The following LRBA variants were observed in gnomAD, a reference collection of about 807,000 sequenced individuals.
LRBA encodes lipopolysaccharide-responsive and beige-like anchor protein.
Under a neutral mutation model 330.0 loss-of-function variants are expected in LRBA, and 176 were observed. That is an observed-to-expected ratio of 0.53 (90% CI 0.47 to 0.60). LRBA has a LOEUF of 0.60. Among genes scored for constraint, LRBA ranks in the 20% least tolerant of loss-of-function variants. The pLI is 0.00. For synonymous variants in LRBA, 1,230 were observed against 1,193.0 expected, an observed-to-expected ratio of 1.03 and a Z score of -0.64; for missense variants, 3,259 against 3,444.8, an observed-to-expected ratio of 0.95 and a Z score of 1.35.
At chr4:150,316,419 T>G (rs548630512) in intron 50 of LRBA, among the ~76,000 whole-genome samples, 1 of 152,168 alleles carries the variant, frequency 6.6e-6, no homozygotes, top group East Asian at 1.9e-4. Context: ...GGACTTTCGG[T>G]AGAGAGGAAG....
intron 36 of LRBA, among the ~76,000 whole-genome samples, chr4:150,706,368 C>T (rs1388480872): frequency 6.6e-6 from 1 of 151,612 alleles, no homozygotes; most frequent in South Asian, 2.1e-4. Context: ...ACTTAGACTA[C>T]CGGGTAGGTG....
At chr4:150,309,063 T>C (rs1730727667) in intron 52 of LRBA, among the ~76,000 whole-genome samples, 1 of 152,198 alleles carries the variant, frequency 6.6e-6, no homozygotes, top group African/African-American at 2.4e-5. Flanking sequence ...GCAAGCTTCA[T>C]TCATGGGAAG....
At chr4:150,725,740 A>C (rs1317399366) in intron 36 of LRBA, among the ~76,000 whole-genome samples, 1 of 152,210 alleles carries the variant, frequency 6.6e-6, no homozygotes, top group Non-Finnish European at 1.5e-5. Flanking sequence ...AGAAAGACTA[A>C]ATAATGAACC....
Position 150,498,301 on chromosome 4 carries a change from C to T in LRBA, c.6331-7266G>A, listed in dbSNP as rs79991528. On this transcript the variant is annotated intron_variant, in intron 40 of 56. Coordinates refer to ENST00000651943, the MANE Select transcript of LRBA (RefSeq NM_001364905.1). ...TGGTTGTTTTATTTTCAATATTCCTCAGCTTAAAAATAATTTGCATTCTAA... is the reference window on the plus strand; with the variant it reads ...TGGTTGTTTTATTTTCAATATTCCTTAGCTTAAAAATAATTTGCATTCTAA... 1.7e-3 allele frequency among the ~76,000 whole-genome samples: 266 copies of T among 152,256 alleles called. 1 individual carries two copies. Among genetic ancestry groups the T allele is most frequent in the African/African-American group, 6.1e-3 (253 of 41,558 alleles).
At chr4:150,794,118 G>C (rs762266418) in intron 34 of LRBA, among the ~76,000 whole-genome samples, 1 of 152,180 alleles carries the variant, frequency 6.6e-6, no homozygotes, top group African/African-American at 2.4e-5. Context: ...AAGAGGGGCA[G>C]CTTAGGGAAA....
intron 48 of LRBA, among the ~76,000 whole-genome samples, chr4:150,335,831 G>A (rs1269795674): frequency 1.3e-5 from 2 of 152,076 alleles, no homozygotes; most frequent in African/African-American, 4.8e-5. Flanking sequence ...GAGTAGCAGG[G>A]AGCCACAGGT....
intron 28 of LRBA, among the ~76,000 whole-genome samples, chr4:150,833,543 C>T (rs1004337919): frequency 2.6e-5 from 4 of 152,126 alleles, no homozygotes; most frequent in Middle Eastern, 3.4e-3. Context: ...ATAAAAGTTA[C>T]GTTTACACTA....
intron 22 of LRBA, 139 bp from the exon 23 acceptor site, chr4:150,853,082 AATG>A: frequency 2.3e-6 from 1 of 440,892 alleles, no homozygotes; most frequent in Non-Finnish European, 3.9e-6. Context: ...ATTTTAGTAG[AATG>A]ATAAATGTAA....
intron 37 of LRBA, among the ~76,000 whole-genome samples, chr4:150,643,345 A>C (rs775698286): frequency 7.2e-5 from 11 of 151,986 alleles, no homozygotes; most frequent in Admixed American, 1.3e-4. Context: ...TGTCATAAAA[A>C]GTATTATGAA....
intron 40 of LRBA, among the ~76,000 whole-genome samples, chr4:150,495,331 T>A (rs1173645668): frequency 2.0e-5 from 3 of 152,230 alleles, no homozygotes; most frequent in Non-Finnish European, 4.4e-5. Flanking sequence ...TATAATGATA[T>A]GCTTTTCAAG....
intron 37 of LRBA, among the ~76,000 whole-genome samples, chr4:150,628,574 C>A (rs1221985728): frequency 1.3e-5 from 2 of 152,102 alleles, no homozygotes; most frequent in Non-Finnish European, 2.9e-5. Context: ...TACAACAGGA[C>A]ATGCAAAACA....
Position 150,277,891 on chromosome 4 carries a change from G to A in LRBA, c.8430C>T (p.Asp2810=), listed in dbSNP as rs766472618. The change falls in exon 56 of 57, where the codon GAC becomes GAT. Residue 2810 remains aspartate (D), a synonymous_variant. Coordinates refer to ENST00000651943, the MANE Select transcript of LRBA (RefSeq NM_001364905.1). Reference sequence around the variant, plus strand: ...ACAGCGCCATGGCCCGGATTCCAGCGTCACATCCTGGATAGGCAAAGAGCT... The same window carrying A: ...ACAGCGCCATGGCCCGGATTCCAGCATCACATCCTGGATAGGCAAAGAGCT... ...LKQLFAYPGC[D]AGIRAMALSY... The A allele has an allele frequency of 9.9e-5, 159 of 1,613,908 alleles. No individual in the cohort carries two copies. Among genetic ancestry groups the A allele is most frequent in the East Asian group, 1.3e-4 (6 of 44,878 alleles).
intron 37 of LRBA, among the ~76,000 whole-genome samples, chr4:150,639,845 A>ATG (rs1561458364): frequency 1.6e-5 from 1 of 62,256 alleles, no homozygotes; most frequent in African/African-American, 7.2e-5. Flanking sequence ...ATATATATAT[A>ATG]TATATATATA....
rs1771719050 is a variant in LRBA, at chr4:150,583,759, G to C, written c.6330+4289C>G. 1 of 1,613,956 alleles carries C rather than the reference G, an allele frequency of 6.2e-7. No individual in the cohort carries two copies. The highest frequency in any genetic ancestry group is 8.5e-7 in the Non-Finnish European group (1 of 1,179,968). On this transcript the variant is annotated intron_variant, in intron 40 of 56. Coordinates refer to ENST00000651943, the MANE Select transcript of LRBA (RefSeq NM_001364905.1). The surrounding 1 kb of genome is among the most constrained non-coding windows in gnomAD (Gnocchi z 9.8). ...GGAGGCGGAGAACCGCCTGCTGATG[G>C]GCGGCTGCCGAAACAAGTGCCTCTC...
chr4:150,840,652 T>A (rs193178962), intron 28 of LRBA: 3 of 158,114 alleles, frequency 1.9e-5, no homozygotes, highest in Admixed American at 6.5e-5. Context: ...CAGATCAGCA[T>A]GACAGATAAA....
At chr4:150,478,267 G>T (rs1014174690) in intron 42 of LRBA, among the ~76,000 whole-genome samples, 1 of 151,958 alleles carries the variant, frequency 6.6e-6, no homozygotes, top group African/African-American at 2.4e-5. Context: ...TTTCAATCTG[G>T]ATGTCTCTCA....
At chr4:150,998,427 C>T (rs145055918) in intron 2 of LRBA, among the ~76,000 whole-genome samples, 2,526 of 152,020 alleles carry the variant, frequency 0.017, 35 homozygotes, top group Non-Finnish European at 0.026. Flanking sequence ...AATCATAGTT[C>T]GCTACAGTCT....
At chr4:150,549,332 TA>T (rs1202737989) in intron 40 of LRBA, among the ~76,000 whole-genome samples, 3 of 151,752 alleles carry the variant, frequency 2.0e-5, no homozygotes, top group Admixed American at 6.6e-5. Context: ...TATTTTATTT[TA>T]TTTTTTTATT....
intron 48 of LRBA, among the ~76,000 whole-genome samples, chr4:150,349,129 T>C (rs776618859): frequency 6.6e-6 from 1 of 152,208 alleles, no homozygotes; most frequent in Non-Finnish European, 1.5e-5. Flanking sequence ...GGTGATAATA[T>C]GCCAATTTAT....
Sources: gnomAD v4.1 joint callset for allele counts (sites outside exome capture counted in the v4.1 genomes callset) on GRCh38, gnomAD v4.1.1 for gene constraint, Gnocchi (gnomAD v3.1) non-coding constraint, MANE v1.5 for transcripts, NCBI Gene and HGNC (gene_info 2026-07-23, HGNC 2026-07-21) for gene names.